ZNF850: variants seen among roughly 807,000 people sequenced by gnomAD.
ZNF850 encodes the protein putative zinc finger protein ENSP00000330994.
In ZNF850, 2 loss-of-function variants were observed where a neutral mutation model predicts 11.9. That is an observed-to-expected ratio of 0.17 (90% confidence interval 0.07 to 0.53). The LOEUF is 0.53. Among genes scored for constraint, ZNF850 ranks in the 20% least tolerant of loss-of-function variants. ZNF850 has a pLI of 0.94. For synonymous variants in ZNF850, 381 were observed against 443.0 expected (o/e 0.86, Z 1.76); for missense variants, 1,014 against 1,316.4 (o/e 0.77, Z 3.55).
At chr19:36,764,158 T>C (rs1568739090) in intron 1 of ZNF850, among the ~76,000 whole-genome samples, 1 of 152,090 alleles carries the variant, frequency 6.6e-6, no homozygotes. Context: ...GGCAGAAGAA[T>C]TGCTTGAACC....
At chr19:36,757,626 C>T (rs2040494751) in intron 4 of ZNF850, among the ~76,000 whole-genome samples, 1 of 151,252 alleles carries the variant, frequency 6.6e-6, no homozygotes, top group Non-Finnish European at 1.5e-5. Context: ...CCATCCTCAG[C>T]CTCATGAGTA....
chr19:36,769,984 C>T (rs2145971432), intron 1 of ZNF850, among the ~76,000 whole-genome samples: 1 of 152,326 alleles, frequency 6.6e-6, no homozygotes, highest in Middle Eastern at 3.4e-3. Flanking sequence ...ATTCCTACGA[C>T]CCCCTCTTTG....
chr19:36,765,509 C>T (rs73037149), intron 1 of ZNF850, among the ~76,000 whole-genome samples: 35,056 of 150,954 alleles, frequency 0.23, 4,129 homozygotes, highest in South Asian at 0.38. Context: ...AAATGTTTTT[C>T]GTATTAAATC....
Position 36,750,657 on chromosome 19 carries a change from T to C in ZNF850, c.383A>G (p.Gln128Arg). Reference protein sequence around the residue: ...RDDWECKGQFQHQDINQERYL... With the variant: ...RDDWECKGQFRHQDINQERYL... ...TCGCTCCTGATTTATATCTTGGTGC[T>C]GAAACTGGCCTTTGCATTCCCAGTC... is the stretch of plus-strand genomic sequence containing the variant. The change falls in exon 5 of 5, where the codon CAG (glutamine) becomes CGG (arginine). Residue 128 changes from glutamine to arginine, a missense_variant. Gln to Arg is a conservative substitution (Grantham distance 43, BLOSUM62 1). Around this residue, in one of 2 missense-constraint regions of ZNF850, gnomAD observed 835 missense variants for 1,022.0 expected, o/e 0.82. Transcript: ENST00000591344. 6.5e-7 allele frequency: 1 copy of C among 1,536,166 alleles called. No individual in the cohort carries two copies.
chr19:36,768,197 C>T (rs1352812856), intron 1 of ZNF850, among the ~76,000 whole-genome samples: 2 of 138,980 alleles, frequency 1.4e-5, no homozygotes, highest in Non-Finnish European at 3.1e-5. Context: ...CAGAGCAAGA[C>T]CCTGTCTCAA....
Position 36,750,279 on chromosome 19 carries a change from T to C in ZNF850, c.761A>G (p.Glu254Gly). 1 of 1,536,994 alleles carries C rather than the reference T, an allele frequency of 6.5e-7. No individual in the cohort carries two copies. The highest frequency in any genetic ancestry group is 8.7e-7 in the Non-Finnish European group (1 of 1,146,884). ...QKMYTDERPH[E>G]CQESVKAFRP... ...AAAGGCCTTCACGGATTCCTGACAC[T>C]CATGAGGTCTCTCATCTGTATACAT... The change falls in exon 5 of 5, where the codon GAG (glutamate) becomes GGG (glycine). Residue 254 changes from glutamate (E) to glycine (G), a missense_variant. By Grantham distance (98) the Glu-to-Gly change is moderately conservative. This residue lies in a region of ZNF850 where 835 missense variants were observed against 1,022.0 expected (regional missense o/e 0.82). Coordinates refer to ENST00000591344, the MANE Select transcript of ZNF850 (RefSeq NM_001193552.2).
chr19:36,748,942 G>T lies in ZNF850; in HGVS notation c.2098C>A (p.Pro700Thr), dbSNP rs1219633368. 1 of 1,584,044 alleles carries T rather than the reference G, an allele frequency of 6.3e-7. No individual in the cohort carries two copies. Among genetic ancestry groups the T allele is most frequent in the South Asian group, 1.1e-5 (1 of 88,268 alleles). Reference sequence around the variant, plus strand: ...TTCCCACATTCTTTACATTCATAAGGTTTCTCACCAGTATGAATTCTCCGA... The same window carrying T: ...TTCCCACATTCTTTACATTCATAAGTTTTCTCACCAGTATGAATTCTCCGA... ...QHRRIHTGEK[P>T]YECKECGKSF... Residue 700 changes from proline to threonine, a missense_variant, in exon 5 of 5, where the codon CCT becomes ACT. Physicochemically the swap from Pro to Thr is conservative, Grantham distance 38. Coordinates refer to ENST00000591344, the MANE Select transcript of ZNF850 (RefSeq NM_001193552.2).
Position 36,754,151 on chromosome 19 carries a change from G to A in ZNF850, c.236-3347C>T, listed in dbSNP as rs187207342. On this transcript the variant is annotated intron_variant, in intron 4 of 4. Coordinates refer to ENST00000591344, the MANE Select transcript of ZNF850 (RefSeq NM_001193552.2). The stretch of plus-strand genomic sequence containing the variant: ...TCCACTGCACTCAGCCCGGGCAACA[G>A]AGAGAGAGAGACCCTGTCTCAAAAA... Among the ~76,000 whole-genome samples the A allele has an allele frequency of 7.0e-4, 96 of 137,610 alleles. No individual in the cohort carries two copies. The East Asian group carries it at 0.018, about 25-fold the overall frequency. 90.3% of individuals were successfully genotyped at this position (137,610 alleles called of 152,430 possible).
chr19:36,749,820 C>A lies in ZNF850; in HGVS notation c.1220G>T (p.Gly407Val), dbSNP rs1460938990. 22 of 1,546,028 alleles carry A rather than the reference C, an allele frequency of 1.4e-5. No individual in the cohort carries two copies. Among genetic ancestry groups the A allele is most frequent in the Non-Finnish European group, 1.7e-5 (20 of 1,152,346 alleles). Residue 407 changes from glycine (G) to valine (V), a missense_variant, in exon 5 of 5, where the codon GGG becomes GTG. Around this residue, in one of 2 missense-constraint regions of ZNF850, gnomAD observed 835 missense variants for 1,022.0 expected, o/e 0.82. Coordinates refer to ENST00000591344, the MANE Select transcript of ZNF850 (RefSeq NM_001193552.2). ...GTGAATTGCCTGGTGTCCAATTAAC[C>A]CTGAGCGAAAAGTAAAAGATTTCCC... is the stretch of plus-strand genomic sequence containing the variant. ...ECGKSFTFRSGLIGHQAIHTG... is the reference protein window; with the variant it reads ...ECGKSFTFRSVLIGHQAIHTG...
chr19:36,750,441 T>C lies in ZNF850; in HGVS notation c.599A>G (p.Lys200Arg). The C allele has an allele frequency of 3.3e-6, 5 of 1,536,612 alleles. No individual in the cohort carries two copies. The highest frequency in any genetic ancestry group is 4.4e-6 in the Non-Finnish European group (5 of 1,146,968). ...THTGEKLYKC[K>R]ECGKAFHHFS... ...GTGATGAAAGGCCTTCCCACACTCC[T>C]TACATTTATAGAGTTTTTCACCAGT... The change falls in exon 5 of 5, where the codon AAG becomes AGG. Residue 200 changes from lysine (K) to arginine (R), a missense_variant. Around this residue, in one of 2 missense-constraint regions of ZNF850, gnomAD observed 835 missense variants for 1,022.0 expected, o/e 0.82. Coordinates refer to ENST00000591344, the MANE Select transcript of ZNF850 (RefSeq NM_001193552.2).
intron 4 of ZNF850, among the ~76,000 whole-genome samples, chr19:36,756,771 G>A (rs1305542977): frequency 6.6e-6 from 1 of 152,036 alleles, no homozygotes; most frequent in Admixed American, 6.6e-5. Flanking sequence ...GCGCCACCAC[G>A]CCTGGCTAAT....
rs766185494 is a variant in ZNF850, at chr19:36,750,629, A to G, written c.411T>C (p.Tyr137=). The G allele has an allele frequency of 5.2e-6, 8 of 1,535,948 alleles. No individual in the cohort carries two copies. The highest frequency in any genetic ancestry group is 8.7e-7 in the Non-Finnish European group (1 of 1,146,918). The change falls in exon 5 of 5, where the codon TAT becomes TAC. Residue 137 remains tyrosine (Y), a synonymous_variant. Transcript: ENST00000591344. The part of the protein sequence containing the change: ...FQHQDINQER[Y]LEKAIMTYET... Reference sequence around the variant, plus strand: ...CATAAGTCATTATTGCTTTTTCCAAATATCGCTCCTGATTTATATCTTGGT... The same window carrying G: ...CATAAGTCATTATTGCTTTTTCCAAGTATCGCTCCTGATTTATATCTTGGT...
At chr19:36,771,156 C>G (rs1200913034) in intron 1 of ZNF850, among the ~76,000 whole-genome samples, 2 of 152,124 alleles carry the variant, frequency 1.3e-5, no homozygotes, top group African/African-American at 2.4e-5. Context: ...AATTAAGGAA[C>G]AGGGACACAA....
In ZNF850 at chr19:36,748,070, A is replaced by G. The variant is rs2040424068; in HGVS notation, c.2970T>C (p.Phe990=). Residue 990 remains phenylalanine (F), a synonymous_variant, in exon 5 of 5, where the codon TTT becomes TTC. Coordinates refer to ENST00000591344, the MANE Select transcript of ZNF850 (RefSeq NM_001193552.2). ...GTCGAATTAGTTCTGAGCCGCAAGTAAAAGATTTCCCACATTCTTTACATT... is the reference window on the plus strand; with the variant it reads ...GTCGAATTAGTTCTGAGCCGCAAGTGAAAGATTTCCCACATTCTTTACATT... The part of the protein sequence containing the change: ...PYECKECGKS[F]TCGSELIRHQ... The G allele has an allele frequency of 6.4e-7, 1 of 1,561,968 alleles. No individual in the cohort carries two copies. The highest frequency in any genetic ancestry group is 2.4e-5 in the East Asian group (1 of 42,114).
At chr19:36,767,485 A>G (rs2040555895) in intron 1 of ZNF850, among the ~76,000 whole-genome samples, 1 of 152,118 alleles carries the variant, frequency 6.6e-6, no homozygotes, top group African/African-American at 2.4e-5. Flanking sequence ...TGAACCCAGG[A>G]GGCAGAGGTT....
rs987600642 is a variant in ZNF850, at chr19:36,749,217, T to G, written c.1823A>C (p.Gln608Pro). The stretch of plus-strand genomic sequence containing the variant: ...AGGTTTCTCACCAGTGTGAATTTGC[T>G]GATGTTGAAGTAGTGTTGAGCCAAC... ...FTVGSTLLQH[Q>P]QIHTGEKPYD... The change falls in exon 5 of 5, where the codon CAG becomes CCG. Residue 608 changes from glutamine (Q) to proline (P), a missense_variant. Around this residue, in one of 2 missense-constraint regions of ZNF850, gnomAD observed 835 missense variants for 1,022.0 expected, o/e 0.82. Coordinates refer to ENST00000591344, the MANE Select transcript of ZNF850 (RefSeq NM_001193552.2). 16 of 1,598,948 alleles carry G rather than the reference T, an allele frequency of 1.0e-5. No homozygotes were observed. In the African/African-American group the frequency reaches 1.7e-4, roughly 17 times the overall value.
At chr19:36,759,015 G>A (rs996315723) in intron 4 of ZNF850, among the ~76,000 whole-genome samples, 4 of 152,030 alleles carry the variant, frequency 2.6e-5, no homozygotes, top group East Asian at 3.9e-4. Context: ...CCAGGAAGTC[G>A]GAGGTTGCAG....
rs1052885660 is a variant in ZNF850, at chr19:36,745,347, A to C, written c.*2420T>G. On this transcript the variant is annotated 3_prime_UTR_variant, in exon 5 of 5. Transcript: ENST00000591344. ...TAGACGATGAGGTAAGATTTTTTTC[A>C]TCAACTTTATTGAAGTGTAATTTAC... 10 of 152,190 alleles carry C rather than the reference A, an allele frequency of 6.6e-5. No homozygotes were observed. Among genetic ancestry groups the C allele is most frequent in the Non-Finnish European group, 1.5e-4 (10 of 68,028 alleles). 9.4% of individuals were successfully genotyped at this position (152,190 alleles called of 1,614,324 possible).
intron 4 of ZNF850, among the ~76,000 whole-genome samples, chr19:36,752,194 A>G (rs927974211): frequency 2.0e-5 from 3 of 152,178 alleles, no homozygotes; most frequent in Non-Finnish European, 4.4e-5. Flanking sequence ...GAAACAACCA[A>G]TCTGGCAGCA....
Sources: gnomAD v4.1 joint callset for allele counts (sites outside exome capture counted in the v4.1 genomes callset) on GRCh38, gnomAD v4.1.1 for gene constraint, gnomAD v4.1.1 regional missense constraint, MANE v1.5 for transcripts, NCBI Gene and HGNC (gene_info 2026-07-23, HGNC 2026-07-21) for gene names.